Variants in DDHD2 observed in about 807,000 individuals in gnomAD.
DDHD2 encodes the protein triacylglycerol hydrolase DDHD2.
A neutral mutation model predicts 91.2 loss-of-function variants in DDHD2; 62 were observed. The observed-to-expected ratio is 0.68, with a 90% CI of 0.55 to 0.84. The LOEUF (loss-of-function observed/expected upper bound fraction) is 0.84, where lower values mean the gene tolerates loss of function less well. Among genes scored for constraint, DDHD2 ranks in the 40% least tolerant of loss-of-function variants. DDHD2 has a pLI of 0.00. For synonymous variants in DDHD2, 271 were observed against 293.9 expected (o/e 0.92, Z 0.80); for missense variants, 740 against 846.9 (o/e 0.87, Z 1.57).
chr8:38,266,120 T>C (rs762890090), downstream of DDHD2: 34 of 1,611,170 alleles, frequency 2.1e-5, no homozygotes, highest in Non-Finnish European at 2.7e-5. Flanking sequence ...CAAGCTTCCA[T>C]AGCCTGAGTA....
rs1324215916 is a variant in DDHD2 at position 38,260,892 on chromosome 8, G to A, written c.*319G>A. 6.6e-6 allele frequency: 1 copy of A among 152,200 alleles called. No homozygotes were observed. The highest frequency in any genetic ancestry group is 1.5e-5 in the Non-Finnish European group (1 of 68,040). 9.4% of individuals were successfully genotyped at this position (152,200 alleles called of 1,614,324 possible). Reference sequence around the variant, plus strand: ...ACACTTTATTGATTAGTACTTGACAGGGTGTAAAGCCTATTTTGGGTTTGA... The same window carrying A: ...ACACTTTATTGATTAGTACTTGACAAGGTGTAAAGCCTATTTTGGGTTTGA... On this transcript the variant is annotated 3_prime_UTR_variant, in exon 18 of 18. Transcript: ENST00000397166.
At chr8:38,272,836 C>T (rs1808515761), downstream of DDHD2, 1 of 152,214 alleles carries the variant, frequency 6.6e-6, no homozygotes, top group Non-Finnish European at 1.5e-5. Context: ...GTATCACAGG[C>T]ACAGTGCATG....
chr8:38,238,041 T>C, intron 4 of DDHD2, 48 bp from the exon 5 acceptor site: 2 of 1,529,830 alleles, frequency 1.3e-6, no homozygotes, highest in Non-Finnish European at 1.8e-6. Context: ...TGTATAGAGA[T>C]GATTGTATTG....
At chr8:38,267,993 G>A (rs747197910) in intron 1 of DDHD2, 3 of 1,613,936 alleles carry the variant, frequency 1.9e-6, no homozygotes, top group Non-Finnish European at 2.5e-6. Context: ...GAAAGGATCT[G>A]TCTAGGAGGA....
Position 38,238,070 on chromosome 8 carries a change from C to G in DDHD2, c.502-19C>G, listed in dbSNP as rs373642362. 1.9e-6 allele frequency: 3 copies of G among 1,582,558 alleles called. No individual in the cohort carries two copies. The highest frequency in any genetic ancestry group is 1.2e-5 in the South Asian group (1 of 85,290). ...TGTATTGCAGAATATTTTTATTGCT[C>G]TGATCTGTTCTGTTTAAGCTTATGG... is the stretch of plus-strand genomic sequence containing the variant. On this transcript the variant is annotated intron_variant, in intron 4 of 17. Coordinates refer to ENST00000397166, the MANE Select transcript of DDHD2 (RefSeq NM_015214.3).
At chr8:38,236,777 T>C (rs1257985307) in intron 3 of DDHD2, among the ~76,000 whole-genome samples, 1 of 151,434 alleles carries the variant, frequency 6.6e-6, no homozygotes, top group African/African-American at 2.4e-5. Flanking sequence ...GCCTTGGCCT[T>C]CCAAAGTGCT....
chr8:38,251,801 T>C (rs1434520393), intron 11 of DDHD2, 111 bp from the exon 12 acceptor site: 1 of 694,106 alleles, frequency 1.4e-6, no homozygotes, highest in Admixed American at 2.7e-5. Context: ...CTTGAACTCT[T>C]GGGCTTAAAC....
At chr8:38,255,799 C>A (rs956150143) in intron 16 of DDHD2, among the ~76,000 whole-genome samples, 2 of 151,956 alleles carry the variant, frequency 1.3e-5, no homozygotes, top group African/African-American at 4.8e-5. Flanking sequence ...TTTGCACACA[C>A]CTTGTTCATG....
intron 2 of DDHD2, 61 bp downstream of exon 2, chr8:38,233,275 A>G: frequency 7.3e-7 from 1 of 1,369,856 alleles, no homozygotes; most frequent in Non-Finnish European, 1.0e-6. Flanking sequence ...CTATAATATA[A>G]TGGTCCTTAT....
downstream of DDHD2, chr8:38,264,383 T>G (rs1807271001): frequency 2.2e-6 from 3 of 1,360,266 alleles, no homozygotes; most frequent in Non-Finnish European, 3.0e-6. Context: ...TCCACCCTCC[T>G]CAGCCTCCCA....
intron 16 of DDHD2, among the ~76,000 whole-genome samples, chr8:38,257,931 G>T (rs1806658969): frequency 6.6e-6 from 1 of 152,054 alleles, no homozygotes; most frequent in Non-Finnish European, 1.5e-5. Context: ...AAAGTGCTGG[G>T]ATTACAGGCG....
chr8:38,257,069 C>A (rs1806565965), intron 16 of DDHD2, among the ~76,000 whole-genome samples: 1 of 151,556 alleles, frequency 6.6e-6, no homozygotes, highest in Admixed American at 6.6e-5. Context: ...GTAGCTAGGA[C>A]CACAGGTGTG....
rs763925212 is a variant in DDHD2, at chr8:38,251,935, G to C, written c.1368G>C (p.Gln456His). 2 of 1,613,950 alleles carry C rather than the reference G, an allele frequency of 1.2e-6. No individual in the cohort carries two copies. The highest frequency in any genetic ancestry group is 3.3e-5 in the Admixed American group (2 of 60,004). ...NSMGIKRPAP[Q>H]PASGANIPKE... ...AGGGTATTAAGAGACCAGCCCCGCA[G>C]CCTGCTTCAGGGGCAAACATCCCCA... Residue 456 changes from glutamine to histidine, a missense_variant, in exon 12 of 18, where the codon CAG (glutamine) becomes CAC (histidine). This residue lies in a region of DDHD2 where 693 missense variants were observed against 764.2 expected (regional missense o/e 0.91). Transcript: ENST00000397166.
At chr8:38,235,637 C>T (rs1804658962) in intron 3 of DDHD2, among the ~76,000 whole-genome samples, 1 of 150,736 alleles carries the variant, frequency 6.6e-6, no homozygotes, top group African/African-American at 2.4e-5. Context: ...AAGAGAATTG[C>T]TTGAACCCGG....
downstream of DDHD2, chr8:38,263,516 CTTT>C: frequency 1.0e-6 from 1 of 985,362 alleles, no homozygotes; most frequent in Non-Finnish European, 1.2e-6. Flanking sequence ...CCATTTTCTT[CTTT>C]ATTATTGTTT....
intron 10 of DDHD2, among the ~76,000 whole-genome samples, chr8:38,249,477 A>G (rs1805936161): frequency 6.7e-6 from 1 of 150,006 alleles, no homozygotes. Flanking sequence ...TTTTTTTAAC[A>G]ATAACAATGT....
intron 16 of DDHD2, 97 bp downstream of exon 16, chr8:38,253,815 C>T (rs1179109252): frequency 1.6e-6 from 2 of 1,283,730 alleles, no homozygotes; most frequent in African/African-American, 3.0e-5. Flanking sequence ...TGCATTGGCT[C>T]AGGCTTATAA....
rs924717889 is a variant in DDHD2 at position 38,269,052 on chromosome 8, C to T, written n.88-2070C>T. 9 of 1,526,934 alleles carry T rather than the reference C, an allele frequency of 5.9e-6. No homozygotes were observed. The African/African-American group carries it at 7.1e-5, about 12-fold the overall frequency. 94.6% of individuals were successfully genotyped at this position (1,526,934 alleles called of 1,614,324 possible). A position where few individuals can be genotyped will look rare whatever the true frequency, so the allele number is the denominator to read the frequency against. Reference sequence around the variant, plus strand: ...GGCTTCCTCCCCGCTTCCCCACTGCCCGACCCGCCGCCCCGTGCCGCCCGC... The same window carrying T: ...GGCTTCCTCCCCGCTTCCCCACTGCTCGACCCGCCGCCCCGTGCCGCCCGC... On this transcript the variant is annotated intron_variant and non_coding_transcript_variant, in intron 1 of 1. Transcript: ENST00000526071.
chr8:38,250,083 A>G (rs532177699), intron 11 of DDHD2: 1 of 182,036 alleles, frequency 5.5e-6, no homozygotes, highest in African/African-American at 2.4e-5. Context: ...TGCCTGGCTA[A>G]TTTTTGTATT....
Sources: allele counts gnomAD v4.1 joint callset (sites outside exome capture counted in the v4.1 genomes callset), GRCh38; gene constraint gnomAD v4.1.1; regional missense constraint gnomAD v4.1.1; transcripts MANE v1.5; gene names NCBI Gene and HGNC (gene_info 2026-07-23, HGNC 2026-07-21).